The following DNAAF5 variants were observed in gnomAD, a reference collection of about 807,000 sequenced individuals.
DNAAF5 encodes dynein axonemal assembly factor 5.
A neutral mutation model predicts 75.8 loss-of-function variants in DNAAF5; 64 were observed. The ratio of observed to expected loss-of-function variants is 0.84; its 90% CI spans 0.69 to 1.04. DNAAF5 has a LOEUF of 1.04. Ranked by LOEUF, DNAAF5 falls within the 50% of genes least tolerant of loss-of-function variation. The pLI is 0.00. For missense variants in DNAAF5, 1,269 were observed against 1,178.5 expected (o/e 1.08, Z -1.12); for synonymous variants, 657 against 557.2 (o/e 1.18, Z -2.52).
chr7:741,595 GCGTCTCCC>G, intron 4 of DNAAF5, 130 bp downstream of exon 4: 1 of 625,614 alleles, frequency 1.6e-6, no homozygotes, highest in Non-Finnish European at 2.8e-6. Flanking sequence ...AAAGGTGCAG[GCGTCTCCC>G]CACTGGGCTG....
At chr7:769,951 T>G (rs1778498927) in intron 8 of DNAAF5, among the ~76,000 whole-genome samples, 2 of 151,418 alleles carry the variant, frequency 1.3e-5, no homozygotes, top group South Asian at 4.2e-4. Flanking sequence ...CCAGGTTTTG[T>G]TTTTGTTTTT....
In DNAAF5 at chr7:774,113, C is replaced by G; in HGVS notation, c.1997C>G (p.Ala666Gly). The G allele has an allele frequency of 1.2e-6, 2 of 1,613,450 alleles. No homozygotes were observed. The highest frequency in any genetic ancestry group is 1.1e-5 in the South Asian group (1 of 91,084). Residue 666 changes from alanine (A) to glycine (G), a missense_variant, in exon 10 of 13, where the codon GCG (alanine) becomes GGG (glycine). Ala to Gly is a moderately conservative substitution (Grantham distance 60). Coordinates refer to ENST00000297440, the MANE Select transcript of DNAAF5 (RefSeq NM_017802.4). ...CTGGCCCCCAATCTGCAGTGGCATG[C>G]GGGGAGGACAGCCGCGGCCATCCGC... ...DILAPNLQWH[A>G]GRTAAAIRTA...
At chr7:783,986 T>C (rs1158577163) in intron 12 of DNAAF5, among the ~76,000 whole-genome samples, 10 of 149,236 alleles carry the variant, frequency 6.7e-5, no homozygotes, top group Non-Finnish European at 3.0e-5. Flanking sequence ...CTCCTGTCTT[T>C]AAAAAAACAA....
rs747227150 is a variant in DNAAF5, at chr7:756,800, C to G, written c.1276C>G (p.Leu426Val). Residue 426 changes from leucine (L) to valine (V), a missense_variant, in exon 6 of 13, where the codon CTC (leucine) becomes GTC (valine). Coordinates refer to ENST00000297440, the MANE Select transcript of DNAAF5 (RefSeq NM_017802.4). ...CTCGCAGTGTACCAGATCCGCAGAG[C>G]TCGTCGGGACGTTTGTCAGCCCTGA... ...VVQSCTRSAE[L>V]VGTFVSPEVF... 7 of 1,613,760 alleles carry G rather than the reference C, an allele frequency of 4.3e-6. No individual in the cohort carries two copies. In the Admixed American group the frequency reaches 1.2e-4, roughly 27 times the overall value.
At position 754,944 on chromosome 7, in the gene DNAAF5, C is replaced by CTGCGGCCCAGGG; in HGVS notation, c.1257+123_1257+124insTGCGGCCCAGGG. The CTGCGGCCCAGGG allele has an allele frequency of 1.4e-6, 1 of 694,974 alleles. No individual in the cohort carries two copies. Among genetic ancestry groups the CTGCGGCCCAGGG allele is most frequent in the Non-Finnish European group, 2.4e-6 (1 of 423,474 alleles). The allele number at this position is 694,974 out of a possible 1,614,324, so 43.1% of individuals were successfully genotyped here. ...GACAGCGTTCCCCTCACCCCCGGGC[C>CTGCGGCCCAGGG]GCAGGCCCTCCCCACACCCAGCCCC... On this transcript the variant is annotated intron_variant, in intron 5 of 12. Coordinates refer to ENST00000297440, the MANE Select transcript of DNAAF5 (RefSeq NM_017802.4). This position sits in a 1 kb window ranked among gnomAD's most constrained non-coding sequence, Gnocchi z 4.8.
chr7:770,626 CG>C lies in DNAAF5; in HGVS notation c.1931+11del. 1 of 1,611,864 alleles carries C rather than the reference CG, an allele frequency of 6.2e-7. No homozygotes were observed. Among genetic ancestry groups the C allele is most frequent in the Admixed American group, 1.7e-5 (1 of 59,956 alleles). On this transcript the variant is annotated intron_variant, in intron 9 of 12. Transcript: ENST00000297440. ...CACCATCAACTCCCAGGGGTAGGTC[CG>C]GGCTCTGCCTCTGCACGGCCCCCAG...
rs571571313 is a variant in DNAAF5 at position 771,714 on chromosome 7, C to T, written c.1931+1096C>T. On this transcript the variant is annotated intron_variant, in intron 9 of 12. Transcript: ENST00000297440. Reference sequence around the variant, plus strand: ...ATTTGTGTAGATGCCATGCAGATAACACAGCAGGGTCCAGGCCCTTCCCTC... The same window carrying T: ...ATTTGTGTAGATGCCATGCAGATAATACAGCAGGGTCCAGGCCCTTCCCTC... 5.3e-5 allele frequency: 8 copies of T among 152,292 alleles called. No homozygotes were observed. In the East Asian group the frequency reaches 1.5e-3, roughly 29 times the overall value. 9.4% of individuals were successfully genotyped at this position (152,292 alleles called of 1,614,324 possible).
rs558312675 is a variant in DNAAF5 at position 756,950 on chromosome 7, G to A, written c.1426G>A (p.Ala476Thr). 10 of 1,607,400 alleles carry A rather than the reference G, an allele frequency of 6.2e-6. No individual in the cohort carries two copies. The highest frequency in any genetic ancestry group is 1.1e-5 in the South Asian group (1 of 91,070). Reference sequence around the variant, plus strand: ...CCTCCAGCCGCACCTGGCAGCCATCGCCACAGAGCTGGCACAGGCCCACAT... The same window carrying A: ...CCTCCAGCCGCACCTGGCAGCCATCACCACAGAGCTGGCACAGGCCCACAT... ...EALQPHLAAIATELAQAHICQ... is the reference protein window; with the variant it reads ...EALQPHLAAITTELAQAHICQ... Residue 476 changes from alanine (A) to threonine (T), a missense_variant, in exon 6 of 13, where the codon GCC becomes ACC. Transcript: ENST00000297440.
chr7:764,082 C>T, intron 8 of DNAAF5, 108 bp downstream of exon 8: 1 of 1,224,306 alleles, frequency 8.2e-7, no homozygotes, highest in Non-Finnish European at 1.2e-6. Flanking sequence ...AGCTGTGGTT[C>T]ACTGAAGCGT....
chr7:745,024 CTG>C (rs1782038868), intron 4 of DNAAF5, among the ~76,000 whole-genome samples: 1 of 152,218 alleles, frequency 6.6e-6, no homozygotes, highest in African/African-American at 2.4e-5. Context: ...CTGTGGTGCT[CTG>C]TCAGTGCCTC....
intron 12 of DNAAF5, among the ~76,000 whole-genome samples, chr7:784,410 C>T (rs1779084180): frequency 6.6e-6 from 1 of 152,214 alleles, no homozygotes. Flanking sequence ...GGCCATCTGT[C>T]CTCAAGACTG....
Position 754,040 on chromosome 7 carries a change from T to A in DNAAF5, c.1025-549T>A, listed in dbSNP as rs1303111002. 1.4e-5 allele frequency among the ~76,000 whole-genome samples: 2 copies of A among 145,626 alleles called. No individual in the cohort carries two copies. The highest frequency in any genetic ancestry group is 6.8e-5 in the Admixed American group (1 of 14,704). On this transcript the variant is annotated intron_variant, in intron 4 of 12. Transcript: ENST00000297440. This position sits in a 1 kb window ranked among gnomAD's most constrained non-coding sequence, Gnocchi z 4.8. ...GACGGCTTCGCAGGCGTGTCTCTCATCATATGGCGATGGCTTCGCAGGCGT... is the reference window on the plus strand; with the variant it reads ...GACGGCTTCGCAGGCGTGTCTCTCAACATATGGCGATGGCTTCGCAGGCGT...
intron 12 of DNAAF5, among the ~76,000 whole-genome samples, chr7:784,172 G>A (rs1376320417): frequency 1.3e-5 from 2 of 152,148 alleles, no homozygotes; most frequent in East Asian, 1.9e-4. Flanking sequence ...GGCACAGCTG[G>A]CGGCCACGCA....
chr7:766,337 A>AT (rs1470538592), intron 8 of DNAAF5, among the ~76,000 whole-genome samples: 1 of 152,206 alleles, frequency 6.6e-6, no homozygotes, highest in African/African-American at 2.4e-5. Flanking sequence ...CACTACTGTA[A>AT]TAAACAGAAG....
rs571568069 is a variant in DNAAF5 at position 754,613 on chromosome 7, G to A, written c.1049G>A (p.Arg350Gln). Residue 350 changes from arginine to glutamine, a missense_variant, in exon 5 of 13, where the codon CGG becomes CAG. Arg to Gln is a conservative substitution (Grantham distance 43). Coordinates refer to ENST00000297440, the MANE Select transcript of DNAAF5 (RefSeq NM_017802.4). This position sits in a 1 kb window ranked among gnomAD's most constrained non-coding sequence, Gnocchi z 4.8. Reference protein sequence around the residue: ...PHERRPVLGCRELVFRNLSKI... With the variant: ...PHERRPVLGCQELVFRNLSKI... The stretch of plus-strand genomic sequence containing the variant: ...GAGCGCCGCCCTGTGCTGGGCTGCC[G>A]GGAGCTCGTCTTCAGGAACCTCTCC... The A allele has an allele frequency of 6.2e-5, 100 of 1,614,050 alleles. 1 individual carries two copies. In the Admixed American group the frequency reaches 7.7e-4, roughly 12 times the overall value.
At chr7:738,455 C>T (rs1781801188) in intron 2 of DNAAF5, among the ~76,000 whole-genome samples, 1 of 152,068 alleles carries the variant, frequency 6.6e-6, no homozygotes, top group Admixed American at 6.6e-5. Flanking sequence ...TCATGTTTTC[C>T]TGGATGCTCC....
Position 727,022 on chromosome 7 carries a change from A to G in DNAAF5, c.302A>G (p.Asp101Gly), listed in dbSNP as rs1171107598. ...GCRALAVHLL[D>G]LGLRRAARPR... is the part of the protein sequence containing the mutation. ...CGCGCGCTGGCAGTGCACCTGCTGG[A>G]TCTGGGCCTGCGCCGCGCCGCGCGG... is the stretch of plus-strand genomic sequence containing the variant. Residue 101 changes from aspartate to glycine, a missense_variant, in exon 1 of 13, where the codon GAT (aspartate) becomes GGT (glycine). By Grantham distance (94) the Asp-to-Gly change is moderately conservative. Transcript: ENST00000297440. 2 of 1,190,816 alleles carry G rather than the reference A, an allele frequency of 1.7e-6. No individual in the cohort carries two copies. The highest frequency in any genetic ancestry group is 2.1e-6 in the Non-Finnish European group (2 of 959,872). The allele number at this position is 1,190,816 out of a possible 1,614,324, so 73.8% of individuals were successfully genotyped here.
chr7:750,600 C>G (rs1334688458), intron 4 of DNAAF5, among the ~76,000 whole-genome samples: 2 of 152,204 alleles, frequency 1.3e-5, no homozygotes, highest in African/African-American at 4.8e-5. Context: ...CTGAGAATCT[C>G]ATGCCGCCAC....
intron 2 of DNAAF5, among the ~76,000 whole-genome samples, chr7:736,473 T>C (rs1016552819): frequency 3.3e-5 from 5 of 152,250 alleles, no homozygotes; most frequent in African/African-American, 1.2e-4. Context: ...CTTTGTCTCT[T>C]AGTATAGTTT....
Sources: gnomAD v4.1 joint callset for allele counts (sites outside exome capture counted in the v4.1 genomes callset) on GRCh38, gnomAD v4.1.1 for gene constraint, Gnocchi (gnomAD v3.1) non-coding constraint, MANE v1.5 for transcripts, NCBI Gene and HGNC (gene_info 2026-07-23, HGNC 2026-07-21) for gene names.